The following EYS variants were observed in gnomAD, a reference collection of about 807,000 sequenced individuals.
EYS encodes protein eyes shut homolog.
EYS carries 250 observed loss-of-function variants against 282.1 expected under a neutral mutation model. The ratio of observed to expected loss-of-function variants is 0.89; its 90% CI spans 0.80 to 0.98. The LOEUF (loss-of-function observed/expected upper bound fraction) is 0.98. Among genes scored for constraint, EYS ranks in the 50% least tolerant of loss-of-function variants. EYS has a pLI of 0.00. For synonymous variants in EYS, 1,355 were observed against 1,282.9 expected (o/e 1.06, Z -1.20); for missense variants, 4,016 against 3,709.0 (o/e 1.08, Z -2.15).
chr6:63,734,475 G>A (rs968501817), intron 41 of EYS, among the ~76,000 whole-genome samples: 6 of 152,104 alleles, frequency 3.9e-5, no homozygotes, highest in African/African-American at 1.4e-4. Context: ...ATACAGTGAC[G>A]AATGCAAATG....
At chr6:65,331,674 C>G in intron 11 of EYS, 1 of 979,788 alleles carries the variant, frequency 1.0e-6, no homozygotes, top group African/African-American at 1.8e-5. Flanking sequence ...CATCACAAAA[C>G]GAAGGATAAT....
intron 30 of EYS, among the ~76,000 whole-genome samples, chr6:64,257,069 C>T (rs1767427193): frequency 6.6e-6 from 1 of 152,014 alleles, no homozygotes; most frequent in African/African-American, 2.4e-5. Flanking sequence ...AAAGCTAACT[C>T]CTGATTCTCA....
intron 6 of EYS, among the ~76,000 whole-genome samples, chr6:65,404,748 T>C (rs1449647207): frequency 6.6e-6 from 1 of 151,988 alleles, no homozygotes; most frequent in Non-Finnish European, 1.5e-5. Context: ...AACAAAAAGT[T>C]TAGGAGGTTG....
intron 12 of EYS, among the ~76,000 whole-genome samples, chr6:65,212,024 T>C (rs1448816581): frequency 6.6e-6 from 1 of 151,948 alleles, no homozygotes; most frequent in Non-Finnish European, 1.5e-5. Flanking sequence ...CACCATTGTG[T>C]TTACTGTGAA....
Position 63,957,937 on chromosome 6 carries a change from C to T in EYS, c.7055+26446G>A, listed in dbSNP as rs1219763018. Among the ~76,000 whole-genome samples, 2 of 140,740 alleles carry T rather than the reference C, an allele frequency of 1.4e-5. 1 individual carries two copies. Among genetic ancestry groups the T allele is most frequent in the Non-Finnish European group, 3.2e-5 (2 of 61,916 alleles). 92.3% of individuals were successfully genotyped at this position (140,740 alleles called of 152,430 possible). A position where few individuals can be genotyped will look rare whatever the true frequency, so the allele number is the denominator to read the frequency against. ...ATGACAGACAAACAATTTAGTGCAA[C>T]TTACTGAGAGGCATAAATTTGGGTT... On this transcript the variant is annotated intron_variant, in intron 35 of 42. Transcript: ENST00000503581.
At chr6:65,689,792 A>C (rs553786790) in intron 1 of EYS, among the ~76,000 whole-genome samples, 20 of 149,982 alleles carry the variant, frequency 1.3e-4, no homozygotes, top group South Asian at 4.3e-4. Context: ...TGCACCCCTC[A>C]ACCCAACATC....
intron 5 of EYS, among the ~76,000 whole-genome samples, chr6:65,425,984 T>C (rs1380081759): frequency 1.3e-5 from 2 of 152,074 alleles, no homozygotes; most frequent in Non-Finnish European, 2.9e-5. Context: ...GAATTCCATT[T>C]TAAGTTTTAG....
chr6:65,418,602 A>G (rs1767331750), intron 5 of EYS, among the ~76,000 whole-genome samples: 1 of 152,060 alleles, frequency 6.6e-6, no homozygotes, highest in Non-Finnish European at 1.5e-5. Context: ...GCTGAAAGCC[A>G]TCATCCTTAG....
chr6:64,977,984 A>G (rs1770528571), intron 14 of EYS, among the ~76,000 whole-genome samples: 1 of 151,924 alleles, frequency 6.6e-6, no homozygotes, highest in South Asian at 2.1e-4. Context: ...GTGAAGCAGC[A>G]AGTGACAATA....
intron 5 of EYS, among the ~76,000 whole-genome samples, chr6:65,414,309 A>T (rs985673427): frequency 6.6e-5 from 10 of 152,138 alleles, no homozygotes; most frequent in Non-Finnish European, 1.3e-4. Context: ...CTATGGAAAG[A>T]TTATGGAGCA....
intron 28 of EYS, among the ~76,000 whole-genome samples, chr6:64,397,032 C>T (rs921767629): frequency 1.3e-5 from 2 of 151,910 alleles, no homozygotes; most frequent in Admixed American, 6.6e-5. Context: ...AATGCTAACG[C>T]CTTATAATTA....
At chr6:64,045,208 TCTGA>T (rs1770561953) in intron 33 of EYS, among the ~76,000 whole-genome samples, 1 of 151,940 alleles carries the variant, frequency 6.6e-6, no homozygotes, top group Admixed American at 6.6e-5. Flanking sequence ...TAATGAAAAC[TCTGA>T]CTAATTTTTA....
At chr6:64,879,640 T>G (rs1336166337) in intron 19 of EYS, among the ~76,000 whole-genome samples, 1 of 152,042 alleles carries the variant, frequency 6.6e-6, no homozygotes, top group Non-Finnish European at 1.5e-5. Flanking sequence ...ATAGAGGCAC[T>G]GGAAAAGAAG....
intron 1 of EYS, among the ~76,000 whole-genome samples, chr6:65,656,612 T>C (rs184326686): frequency 2.0e-4 from 31 of 151,998 alleles, no homozygotes; most frequent in African/African-American, 7.5e-4. Flanking sequence ...AACTGGGAAG[T>C]CATTACCTCA....
intron 36 of EYS, among the ~76,000 whole-genome samples, chr6:63,809,364 C>T (rs1562036563): frequency 6.6e-6 from 1 of 152,180 alleles, no homozygotes; most frequent in East Asian, 1.9e-4. Flanking sequence ...CATAAATTCC[C>T]AGATCAGCCT....
chr6:64,340,719 G>C (rs1434976728), intron 29 of EYS, among the ~76,000 whole-genome samples: 1 of 151,796 alleles, frequency 6.6e-6, no homozygotes, highest in Non-Finnish European at 1.5e-5. Context: ...ACTGATAAGT[G>C]AGGCCTAATT....
chr6:64,555,904 A>G (rs1765218695), intron 26 of EYS, among the ~76,000 whole-genome samples: 1 of 151,978 alleles, frequency 6.6e-6, no homozygotes, highest in South Asian at 2.1e-4. Context: ...GCAGACATTA[A>G]AAACTGCTGA....
chr6:65,524,473 G>A (rs1261731148), intron 2 of EYS, among the ~76,000 whole-genome samples: 1 of 152,138 alleles, frequency 6.6e-6, no homozygotes, highest in Admixed American at 6.5e-5. Context: ...ATGTTGGACC[G>A]TGAATCATAT....
At chr6:63,907,540 C>G (rs558763107) in intron 35 of EYS, among the ~76,000 whole-genome samples, 2 of 152,166 alleles carry the variant, frequency 1.3e-5, no homozygotes, top group Admixed American at 6.5e-5. Context: ...AGATATAGCC[C>G]TTTTCTGTGT....
Sources: allele counts gnomAD v4.1 joint callset (sites outside exome capture counted in the v4.1 genomes callset), GRCh38; gene constraint gnomAD v4.1.1; transcripts MANE v1.5; gene names NCBI Gene and HGNC (gene_info 2026-07-23, HGNC 2026-07-21).